Variants in UGDH observed in about 807,000 individuals in gnomAD.
UGDH encodes the protein UDP-Glc dehydrogenase.
Under a neutral mutation model 50.6 loss-of-function variants are expected in UGDH, and 38 were observed. The observed-to-expected ratio is 0.75, with a 90% CI of 0.58 to 0.98. UGDH has a LOEUF of 0.98. Among genes scored for constraint, UGDH ranks in the 50% least tolerant of loss-of-function variants. The pLI, the probability that UGDH is intolerant of heterozygous loss-of-function variation, is 0.00. For synonymous variants in UGDH, 168 were observed against 199.9 expected (o/e 0.84, Z 1.35); for missense variants, 465 against 606.2 (o/e 0.77, Z 2.45).
At chr4:39,522,440 G>T (rs997685014) in intron 1 of UGDH, among the ~76,000 whole-genome samples, 1 of 152,194 alleles carries the variant, frequency 6.6e-6, no homozygotes, top group African/African-American at 2.4e-5. Flanking sequence ...GAATTTTTTA[G>T]TATACTCCTG....
chr4:39,506,432 G>A (rs1344951802), intron 7 of UGDH, among the ~76,000 whole-genome samples: 1 of 152,126 alleles, frequency 6.6e-6, no homozygotes, highest in African/African-American at 2.4e-5. Context: ...TCCAAATTCT[G>A]TGGAAACAAG....
At chr4:39,518,780 T>G (rs934720629) in intron 2 of UGDH, among the ~76,000 whole-genome samples, 1 of 151,970 alleles carries the variant, frequency 6.6e-6, no homozygotes, top group African/African-American at 2.4e-5. Flanking sequence ...CTTTAGTAGA[T>G]ACTATCAAAC....
At chr4:39,521,318 G>A in intron 2 of UGDH, 33 bp downstream of exon 2, 1 of 1,551,728 alleles carries the variant, frequency 6.4e-7, no homozygotes, top group Non-Finnish European at 8.7e-7. Flanking sequence ...TAAGAAAAAA[G>A]CATAAAAACA....
At chr4:39,514,256 T>A in intron 2 of UGDH, 72 bp from the exon 3 acceptor site, 9 of 1,166,162 alleles carry the variant, frequency 7.7e-6, no homozygotes, top group Non-Finnish European at 1.0e-5. Flanking sequence ...TAGTATAGAA[T>A]TACATTTGTT....
At chr4:39,522,832 G>A (rs556741716) in intron 1 of UGDH, among the ~76,000 whole-genome samples, 3 of 150,616 alleles carry the variant, frequency 2.0e-5, no homozygotes, top group African/African-American at 2.4e-5. Flanking sequence ...ATGTGACCTC[G>A]GCTCACTGCA....
At chr4:39,523,761 G>A (rs1311926308) in intron 1 of UGDH, among the ~76,000 whole-genome samples, 2 of 150,318 alleles carry the variant, frequency 1.3e-5, no homozygotes, top group African/African-American at 2.5e-5. Flanking sequence ...CTGAGATCGT[G>A]CCATGTTGCA....
Position 39,504,441 on chromosome 4 carries a change from A to G in UGDH, c.1239T>C (p.Ile413=), listed in dbSNP as rs760148074. 2 of 1,614,062 alleles carry G rather than the reference A, an allele frequency of 1.2e-6. No individual in the cohort carries two copies. Among genetic ancestry groups the G allele is most frequent in the Admixed American group, 1.7e-5 (1 of 60,000 alleles). The change falls in exon 10 of 12, where the codon ATT becomes ATC. Residue 413 remains isoleucine (I), a synonymous_variant. Coordinates refer to ENST00000316423, the MANE Select transcript of UGDH (RefSeq NM_003359.4). ...EACDGAHAVV[I]CTEWDMFKEL... ...CCTTAAACATGTCCCACTCAGTGCA[A>G]ATAACAACAGCATGGGCACCATCAC...
chr4:39,511,659 G>A (rs567286270), intron 3 of UGDH, among the ~76,000 whole-genome samples: 1 of 150,898 alleles, frequency 6.6e-6, no homozygotes, highest in Non-Finnish European at 1.5e-5. Context: ...ATTAAAGCTA[G>A]ACATTACCTA....
Position 39,514,122 on chromosome 4 carries a change from A to C in UGDH, c.225T>G (p.Ile75Met). ...GATCAGCTTCTTTGATGGCATCATC[A>C]ATATTGGTAGAAAAAAAAAGATTTT... ...RGKNLFFSTN[I>M]DDAIKEADLV... The change falls in exon 3 of 12, where the codon ATT (isoleucine) becomes ATG (methionine). Residue 75 changes from isoleucine (I) to methionine (M), a missense_variant. By Grantham distance (10) the Ile-to-Met change is conservative (BLOSUM62 1). Transcript: ENST00000316423. 1 of 1,587,220 alleles carries C rather than the reference A, an allele frequency of 6.3e-7. No individual in the cohort carries two copies. Among genetic ancestry groups the C allele is most frequent in the Non-Finnish European group, 8.5e-7 (1 of 1,173,836 alleles).
chr4:39,503,482 A>G (rs1009815086), intron 11 of UGDH, among the ~76,000 whole-genome samples: 5 of 152,150 alleles, frequency 3.3e-5, no homozygotes, highest in African/African-American at 4.8e-5. Flanking sequence ...ATTGACCAAG[A>G]CCTCTTTCTT....
chr4:39,504,311 A>AAAAAAAAC lies in UGDH; in HGVS notation c.1263+98_1263+105dup, dbSNP rs1241671490. 9 of 1,075,776 alleles carry AAAAAAAAC rather than the reference A, an allele frequency of 8.4e-6. No homozygotes were observed. In the African/African-American group the frequency reaches 9.6e-5, roughly 12 times the overall value. 66.6% of individuals were successfully genotyped at this position (1,075,776 alleles called of 1,614,324 possible). A position where few individuals can be genotyped will look rare whatever the true frequency, so the allele number is the denominator to read the frequency against. On this transcript the variant is annotated intron_variant, in intron 10 of 11. Coordinates refer to ENST00000316423, the MANE Select transcript of UGDH (RefSeq NM_003359.4). ...CGACAGAGCGAGACTCCATCTCAAA[A>AAAAAAAAC]AAAAAAACAAAAAAACAAAAAAACA...
intron 9 of UGDH, 37 bp from the exon 10 acceptor site, chr4:39,504,545 A>G (rs1467436305): frequency 1.9e-6 from 3 of 1,566,938 alleles, no homozygotes; most frequent in Admixed American, 1.7e-5. Flanking sequence ...CAGAAATAAG[A>G]AAGGAGTTAT....
chr4:39,513,531 C>CTT (rs10707997), intron 3 of UGDH, among the ~76,000 whole-genome samples: 1,058 of 88,026 alleles, frequency 0.012, 4 homozygotes, highest in Non-Finnish European at 0.014. Context: ...TTTCCTAGTT[C>CTT]TTTTTTTTTT....
intron 11 of UGDH, among the ~76,000 whole-genome samples, chr4:39,503,632 C>T (rs1177264704): frequency 6.6e-6 from 1 of 152,134 alleles, no homozygotes; most frequent in Non-Finnish European, 1.5e-5. Flanking sequence ...ATTCTAAAAC[C>T]CACACAATGG....
intron 3 of UGDH, 93 bp from the exon 4 acceptor site, chr4:39,510,954 A>T: frequency 5.0e-6 from 6 of 1,201,642 alleles, no homozygotes; most frequent in Non-Finnish European, 7.3e-6. Flanking sequence ...TGGAGTTAAC[A>T]ATCATCAGTA....
Position 39,514,328 on chromosome 4 carries a change from A to G in UGDH, c.163-144T>C, listed in dbSNP as rs965682870. 4 of 679,612 alleles carry G rather than the reference A, an allele frequency of 5.9e-6. No homozygotes were observed. In the Admixed American group the frequency reaches 1.3e-4, roughly 22 times the overall value. The allele number at this position is 679,612 out of a possible 1,614,324, so 42.1% of individuals were successfully genotyped here. On this transcript the variant is annotated intron_variant, in intron 2 of 11. Coordinates refer to ENST00000316423, the MANE Select transcript of UGDH (RefSeq NM_003359.4). ...TTGTGCTCAAATTACCTTTGTAGAC[A>G]AGTTAAGGATCATATACCAAAGGCC...
At chr4:39,515,068 G>A (rs1746393479) in intron 2 of UGDH, among the ~76,000 whole-genome samples, 1 of 152,038 alleles carries the variant, frequency 6.6e-6, no homozygotes, top group African/African-American at 2.4e-5. Flanking sequence ...TGACCTCCCA[G>A]GCTCAGGCAA....
Position 39,509,900 on chromosome 4 carries a change from T to C in UGDH, c.671A>G (p.Asn224Ser). The change falls in exon 6 of 12, where the codon AAT (asparagine) becomes AGT (serine). Residue 224 changes from asparagine (N) to serine (S), a missense_variant. By Grantham distance (46) the Asn-to-Ser change is conservative. Coordinates refer to ENST00000316423, the MANE Select transcript of UGDH (RefSeq NM_003359.4). ...GCTTATTCTCTGGGCAAGAAAAGCA[T>C]TTGCTGCCTTAAAAAAAAAAAACAT... ...WSSELSKLAA[N>S]AFLAQRISSI... The C allele has an allele frequency of 6.3e-7, 1 of 1,576,830 alleles. No homozygotes were observed. Among genetic ancestry groups the C allele is most frequent in the Non-Finnish European group, 8.5e-7 (1 of 1,170,934 alleles).
Position 39,510,765 on chromosome 4 carries a change from T to C in UGDH, c.361A>G (p.Asn121Asp), listed in dbSNP as rs766669367. Residue 121 changes from asparagine (N) to aspartate (D), a missense_variant, in exon 4 of 12, where the codon AAT becomes GAT. Transcript: ENST00000316423. ...TTCTCAGTCACAATTTTGTACCCAT[T>C]TGAGTTTTGCACAATGCGTCTAGCA... ...ACARRIVQNS[N>D]GYKIVTEKST... is the part of the protein sequence containing the mutation. The C allele has an allele frequency of 7.4e-6, 12 of 1,614,128 alleles. No homozygotes were observed. In the South Asian group the frequency reaches 1.2e-4, roughly 16 times the overall value.
Sources: gnomAD v4.1 joint callset for allele counts (sites outside exome capture counted in the v4.1 genomes callset) on GRCh38, gnomAD v4.1.1 for gene constraint, MANE v1.5 for transcripts, NCBI Gene and HGNC (gene_info 2026-07-23, HGNC 2026-07-21) for gene names.